PACSIN2: variants seen among roughly 807,000 people sequenced by gnomAD.
The protein encoded by PACSIN2 is protein kinase C and casein kinase substrate in neurons protein 2.
PACSIN2 carries 25 observed loss-of-function variants against 63.8 expected under a neutral mutation model. The observed-to-expected ratio is 0.39, with a 90% CI of 0.29 to 0.55. The LOEUF (loss-of-function observed/expected upper bound fraction) is 0.55, where lower values mean the gene tolerates loss of function less well. Ranked by LOEUF, PACSIN2 falls within the 20% of genes least tolerant of loss-of-function variation. PACSIN2 has a pLI of 0.62. For missense variants in PACSIN2, 518 were observed against 646.9 expected (o/e 0.80, Z 2.16); for synonymous variants, 255 against 256.2 (o/e 1.00, Z 0.05).
chr22:42,922,467 C>T (rs992505042), intron 1 of PACSIN2, among the ~76,000 whole-genome samples: 1 of 152,202 alleles, frequency 6.6e-6, no homozygotes, highest in African/African-American at 2.4e-5. Context: ...AGAAAGCCCC[C>T]GATACCCCGC....
chr22:42,961,729 C>T (rs1211565841), intron 1 of PACSIN2, among the ~76,000 whole-genome samples: 4 of 152,022 alleles, frequency 2.6e-5, no homozygotes, highest in Non-Finnish European at 4.4e-5. Context: ...GCTGAGATCA[C>T]GTCACTGCAC....
At chr22:42,943,086 T>C (rs1284742234) in intron 1 of PACSIN2, among the ~76,000 whole-genome samples, 1 of 152,240 alleles carries the variant, frequency 6.6e-6, no homozygotes, top group Non-Finnish European at 1.5e-5. Flanking sequence ...TGTTTTGTAA[T>C]TTTCAGAATA....
intron 2 of PACSIN2, among the ~76,000 whole-genome samples, chr22:42,911,142 G>A (rs1052043939): frequency 6.6e-6 from 1 of 151,652 alleles, no homozygotes; most frequent in Non-Finnish European, 1.5e-5. Context: ...CTGACCTCAA[G>A]ATCCACCCGC....
At chr22:42,914,793 G>C (rs562559135) in intron 1 of PACSIN2, among the ~76,000 whole-genome samples, 2 of 152,188 alleles carry the variant, frequency 1.3e-5, no homozygotes, top group Non-Finnish European at 2.9e-5. Flanking sequence ...CTTGGGCAGA[G>C]GAATTCAGAT....
intron 1 of PACSIN2, among the ~76,000 whole-genome samples, chr22:42,985,503 A>AGT (rs1922542414): frequency 6.6e-6 from 1 of 152,230 alleles, no homozygotes; most frequent in Non-Finnish European, 1.5e-5. Flanking sequence ...GCCCAGGTCT[A>AGT]GGTCCAGGAG....
intron 1 of PACSIN2, among the ~76,000 whole-genome samples, chr22:42,981,977 C>T (rs1601601466): frequency 9.9e-6 from 1 of 100,964 alleles, no homozygotes; most frequent in Admixed American, 8.5e-5. Context: ...GCCCGGCCAG[C>T]CGCCCCGTCC....
At chr22:42,970,827 A>G (rs897551773) in intron 1 of PACSIN2, among the ~76,000 whole-genome samples, 10 of 152,114 alleles carry the variant, frequency 6.6e-5, no homozygotes, top group African/African-American at 2.4e-4. Flanking sequence ...CCAGATATGG[A>G]GTGCTTGTGG....
intron 1 of PACSIN2, among the ~76,000 whole-genome samples, chr22:42,942,341 G>T (rs572226214): frequency 6.8e-4 from 103 of 152,114 alleles, no homozygotes; most frequent in African/African-American, 1.9e-3. Flanking sequence ...AACATCCTCT[G>T]AAGCACAAAA....
intron 1 of PACSIN2, among the ~76,000 whole-genome samples, chr22:42,964,490 A>G (rs1037798172): frequency 1.3e-5 from 2 of 151,516 alleles, no homozygotes; most frequent in Admixed American, 6.6e-5. Flanking sequence ...ATAGAATACC[A>G]CAGATTGCAG....
intron 1 of PACSIN2, among the ~76,000 whole-genome samples, chr22:42,942,963 ACT>A (rs1288978989): frequency 6.6e-6 from 1 of 152,112 alleles, no homozygotes; most frequent in African/African-American, 2.4e-5. Flanking sequence ...GACTGCTGTG[ACT>A]CTGTAGCTCA....
chr22:43,010,398 A>ATATATATATATATATATT, intron 1 of PACSIN2, among the ~76,000 whole-genome samples: 13 of 126,390 alleles, frequency 1.0e-4, no homozygotes, highest in African/African-American at 3.7e-4. Context: ...ATATATATAT[A>ATATATATATATATATATT]TTTTTTTTTA....
intron 1 of PACSIN2, among the ~76,000 whole-genome samples, chr22:42,997,542 C>CCT (rs1035773203): frequency 1.4e-5 from 2 of 142,404 alleles, no homozygotes; most frequent in African/African-American, 5.2e-5. Flanking sequence ...TGGGCGACAG[C>CCT]GAGACTCCGT....
chr22:42,981,851 C>T lies in PACSIN2; in HGVS notation c.-78+33170G>A, dbSNP rs1172771015. On this transcript the variant is annotated intron_variant, in intron 1 of 10. Transcript: ENST00000263246. ...GGGGTCAGCCCCCCGCCCGGCCAGC[C>T]GCCCCGTCCGGGAGGGAGGTGGGGG... 1.1e-4 allele frequency among the ~76,000 whole-genome samples: 13 copies of T among 119,842 alleles called. No individual in the cohort carries two copies. In the East Asian group the frequency reaches 2.5e-3, roughly 23 times the overall value. 78.6% of individuals were successfully genotyped at this position (119,842 alleles called of 152,430 possible).
At chr22:42,902,337 C>T (rs1047462560) in intron 2 of PACSIN2, among the ~76,000 whole-genome samples, 2 of 152,120 alleles carry the variant, frequency 1.3e-5, no homozygotes, top group East Asian at 1.9e-4. Context: ...TGCCCCAGGA[C>T]GCTTCCCCCA....
At chr22:42,970,958 T>C (rs1344576130) in intron 1 of PACSIN2, among the ~76,000 whole-genome samples, 1 of 152,006 alleles carries the variant, frequency 6.6e-6, no homozygotes, top group African/African-American at 2.4e-5. Context: ...GCCCCCAGCC[T>C]CTCCACAGCC....
chr22:42,885,279 T>C (rs928925055), intron 5 of PACSIN2, among the ~76,000 whole-genome samples: 2 of 152,188 alleles, frequency 1.3e-5, no homozygotes, highest in Admixed American at 6.5e-5. Flanking sequence ...GACCTCACAC[T>C]GGTACACACT....
intron 1 of PACSIN2, among the ~76,000 whole-genome samples, chr22:42,981,327 G>GC (rs1169808981): frequency 7.0e-6 from 1 of 143,112 alleles, no homozygotes; most frequent in African/African-American, 2.7e-5. Context: ...TCTCCGCCCG[G>GC]CAGCCACCCC....
intron 1 of PACSIN2, among the ~76,000 whole-genome samples, chr22:42,964,334 C>T (rs769626312): frequency 2.0e-4 from 30 of 150,908 alleles, no homozygotes; most frequent in Non-Finnish European, 3.8e-4. Context: ...AGGAGAATTG[C>T]TTGAACCCAG....
intron 2 of PACSIN2, chr22:42,909,587 A>G: frequency 2.1e-6 from 1 of 471,200 alleles, no homozygotes; most frequent in Non-Finnish European, 4.4e-6. Context: ...TTTCAGGGAC[A>G]GCATCACAAG....
Sources: allele counts gnomAD v4.1 joint callset (sites outside exome capture counted in the v4.1 genomes callset), GRCh38; gene constraint gnomAD v4.1.1; transcripts MANE v1.5; gene names NCBI Gene and HGNC (gene_info 2026-07-23, HGNC 2026-07-21).